The following GRID2 variants were observed in gnomAD, a reference collection of about 807,000 sequenced individuals.
GRID2 encodes glutamate receptor ionotropic, delta-2.
A neutral mutation model predicts 114.8 loss-of-function variants in GRID2; 33 were observed. The ratio of observed to expected loss-of-function variants is 0.29; its 90% CI spans 0.22 to 0.38. The LOEUF (loss-of-function observed/expected upper bound fraction) is 0.38, where lower values mean the gene tolerates loss of function less well. Ranked by LOEUF, GRID2 falls within the 10% of genes least tolerant of loss-of-function variation. The probability of loss-of-function intolerance (pLI) is 1.00; values close to 1 mark genes in which losing one functional copy is unlikely to be tolerated. For synonymous variants in GRID2, 505 were observed against 449.9 expected (o/e 1.12, Z -1.55); for missense variants, 1,184 against 1,257.7 (o/e 0.94, Z 0.89).
chr4:92,882,100 A>G (rs900391781), intron 2 of GRID2, among the ~76,000 whole-genome samples: 2 of 152,154 alleles, frequency 1.3e-5, no homozygotes, highest in African/African-American at 4.8e-5. Context: ...ATTCCTACTT[A>G]AATGATTTAG....
chr4:93,193,561 A>G (rs1741201378), intron 4 of GRID2, among the ~76,000 whole-genome samples: 1 of 152,146 alleles, frequency 6.6e-6, no homozygotes, highest in South Asian at 2.1e-4. Context: ...AGGCCTCCCC[A>G]GCCACACTGA....
intron 1 of GRID2, among the ~76,000 whole-genome samples, chr4:92,385,476 A>T (rs1729901645): frequency 6.6e-6 from 1 of 151,844 alleles, no homozygotes; most frequent in African/African-American, 2.4e-5. Flanking sequence ...TAAGGTAAGG[A>T]AATCAAACCA....
chr4:93,767,975 G>C (rs1403298010), intron 14 of GRID2, among the ~76,000 whole-genome samples: 1 of 152,192 alleles, frequency 6.6e-6, no homozygotes, highest in African/African-American at 2.4e-5. Flanking sequence ...CCAGGTTTAA[G>C]TTTCTATGTG....
chr4:92,635,043 A>G (rs1015459416), intron 2 of GRID2, among the ~76,000 whole-genome samples: 2 of 152,098 alleles, frequency 1.3e-5, no homozygotes, highest in Non-Finnish European at 2.9e-5. Context: ...TGCCAAGTGC[A>G]TGGTGATTTT....
At chr4:93,714,776 T>G (rs1728769171) in intron 14 of GRID2, among the ~76,000 whole-genome samples, 1 of 152,202 alleles carries the variant, frequency 6.6e-6, no homozygotes, top group Non-Finnish European at 1.5e-5. Context: ...TTAATGGAGT[T>G]GTTGGTATTT....
chr4:93,672,283 C>T (rs1407631849), intron 14 of GRID2, among the ~76,000 whole-genome samples: 1 of 152,228 alleles, frequency 6.6e-6, no homozygotes, highest in African/African-American at 2.4e-5. Flanking sequence ...GGGAACCCCC[C>T]CACCACAGAT....
intron 1 of GRID2, among the ~76,000 whole-genome samples, chr4:92,560,608 T>C (rs1579582480): frequency 6.8e-6 from 1 of 147,706 alleles, no homozygotes; most frequent in Non-Finnish European, 1.5e-5. Context: ...TTTGGTTAGA[T>C]CCATTTATCT....
At chr4:93,021,090 A>G (rs1024690354) in intron 2 of GRID2, among the ~76,000 whole-genome samples, 1 of 151,762 alleles carries the variant, frequency 6.6e-6, no homozygotes, top group Non-Finnish European at 1.5e-5. Context: ...TAATCCTGTC[A>G]TTAAGGGCAG....
intron 1 of GRID2, among the ~76,000 whole-genome samples, chr4:92,539,919 A>T (rs2149161337): frequency 6.6e-6 from 1 of 152,244 alleles, no homozygotes; most frequent in African/African-American, 2.4e-5. Flanking sequence ...CAATAACCAA[A>T]ACAGCATGGT....
intron 12 of GRID2, among the ~76,000 whole-genome samples, chr4:93,498,380 C>T (rs1307414923): frequency 1.3e-5 from 2 of 151,784 alleles, no homozygotes; most frequent in Non-Finnish European, 2.9e-5. Flanking sequence ...GCCTTTATGG[C>T]CTGATTGTCT....
At chr4:93,428,344 G>T (rs901402339) in intron 10 of GRID2, among the ~76,000 whole-genome samples, 5 of 151,980 alleles carry the variant, frequency 3.3e-5, no homozygotes, top group Admixed American at 1.3e-4. Context: ...ACCATAATTA[G>T]TACTGACCCA....
At chr4:93,299,431 G>GA (rs5860319) in intron 8 of GRID2, among the ~76,000 whole-genome samples, 3,773 of 147,584 alleles carry the variant, frequency 0.026, 212 homozygotes, top group East Asian at 0.26. Context: ...TTGAAACGGG[G>GA]AAAAAAAAGT....
rs114711521 is a variant in GRID2 at position 93,673,761 on chromosome 4, G to C, written c.2360+47326G>C. Among the ~76,000 whole-genome samples the C allele has an allele frequency of 6.2e-3, 936 of 152,118 alleles. 14 individuals carry two copies. Among genetic ancestry groups the C allele is most frequent in the African/African-American group, 0.021 (861 of 41,480 alleles). ...ATCTTTTATTAAGCACTGTCCCCAG[G>C]GGTTGTAAACTCAAATGCCTTCAAG... On this transcript the variant is annotated intron_variant, in intron 14 of 15. Coordinates refer to ENST00000282020, the MANE Select transcript of GRID2 (RefSeq NM_001510.4).
intron 2 of GRID2, among the ~76,000 whole-genome samples, chr4:92,768,440 T>C (rs1417838385): frequency 2.0e-5 from 3 of 152,214 alleles, no homozygotes; most frequent in Non-Finnish European, 4.4e-5. Context: ...CAAGTGTGGA[T>C]GGCTTCCCCT....
intron 2 of GRID2, among the ~76,000 whole-genome samples, chr4:93,044,974 A>G (rs1387809397): frequency 1.3e-5 from 2 of 152,170 alleles, no homozygotes; most frequent in East Asian, 1.9e-4. Flanking sequence ...AAAATAGCTC[A>G]TAATTTAAGC....
chr4:92,373,911 G>T (rs1246927405), intron 1 of GRID2, among the ~76,000 whole-genome samples: 2 of 152,076 alleles, frequency 1.3e-5, no homozygotes, highest in Non-Finnish European at 2.9e-5. Flanking sequence ...CAGCTAGTAA[G>T]GAGCAAGTAC....
chr4:92,448,201 T>A (rs1733572210), intron 1 of GRID2, among the ~76,000 whole-genome samples: 1 of 151,632 alleles, frequency 6.6e-6, no homozygotes, highest in African/African-American at 2.4e-5. Context: ...AGTCTCACTC[T>A]GTCACCCAGG....
In GRID2 at chr4:93,422,945, T is replaced by A. The variant is rs779422090; in HGVS notation, c.1522T>A (p.Leu508Met). 4 of 1,610,926 alleles carry A rather than the reference T, an allele frequency of 2.5e-6. No homozygotes were observed. Among genetic ancestry groups the A allele is most frequent in the Non-Finnish European group, 3.4e-6 (4 of 1,177,158 alleles). The stretch of plus-strand genomic sequence containing the variant: ...ACAAGAAGATGGGACATGGAATGGC[T>A]TGGTAGGAGAACTTGTCTTTAAGGT... The part of the protein sequence containing the change: ...SPQEDGTWNG[L>M]VGELVFKRAD... Residue 508 changes from leucine to methionine, a missense_variant, in exon 10 of 16, where the codon TTG becomes ATG. Leu to Met is a conservative substitution (Grantham distance 15, BLOSUM62 2). Around this residue, in one of 3 missense-constraint regions of GRID2, gnomAD observed 717 missense variants for 796.9 expected, o/e 0.90. Transcript: ENST00000282020.
At chr4:93,718,080 C>T (rs546452219) in intron 14 of GRID2, among the ~76,000 whole-genome samples, 1 of 152,200 alleles carries the variant, frequency 6.6e-6, no homozygotes, top group African/African-American at 2.4e-5. Context: ...ACAGTGAAAC[C>T]TGGTCTCTAC....
Sources: gnomAD v4.1 joint callset for allele counts (sites outside exome capture counted in the v4.1 genomes callset) on GRCh38, gnomAD v4.1.1 for gene constraint, gnomAD v4.1.1 regional missense constraint, MANE v1.5 for transcripts, NCBI Gene and HGNC (gene_info 2026-07-23, HGNC 2026-07-21) for gene names.